NOS1: variants seen among roughly 807,000 people sequenced by gnomAD.
NOS1 encodes NOS type I.
In NOS1, 51 loss-of-function variants were observed where a neutral mutation model predicts 164.5. That is an observed-to-expected ratio of 0.31 (90% CI 0.25 to 0.39). The LOEUF is 0.39. NOS1 is among the 10% of genes least tolerant of loss of function. The pLI is 1.00. For missense variants in NOS1, 1,362 were observed against 1,885.6 expected (o/e 0.72, Z 5.14); for synonymous variants, 719 against 745.8 (o/e 0.96, Z 0.59).
At chr12:117,270,057 A>T (rs2135994905) in intron 10 of NOS1, among the ~76,000 whole-genome samples, 1 of 152,336 alleles carries the variant, frequency 6.6e-6, no homozygotes, top group East Asian at 1.9e-4. Flanking sequence ...TAAGCAGCTG[A>T]CGCCTGTGGC....
intron 1 of NOS1, among the ~76,000 whole-genome samples, chr12:117,333,154 C>T (rs1432123673): frequency 6.6e-6 from 1 of 152,144 alleles, no homozygotes; most frequent in Non-Finnish European, 1.5e-5. Context: ...AGCCGCCCGT[C>T]CCTACTTGTA....
At chr12:117,246,757 C>G (rs1870649299) in intron 18 of NOS1, among the ~76,000 whole-genome samples, 1 of 152,190 alleles carries the variant, frequency 6.6e-6, no homozygotes, top group Non-Finnish European at 1.5e-5. Context: ...GCTTCTTCCA[C>G]TTAGTGTAAA....
At chr12:117,321,105 G>T (rs1466517475) in intron 2 of NOS1, among the ~76,000 whole-genome samples, 1 of 152,192 alleles carries the variant, frequency 6.6e-6, no homozygotes, top group Non-Finnish European at 1.5e-5. Context: ...TGCCTCCCGA[G>T]TTCAAGCGAT....
intron 17 of NOS1, among the ~76,000 whole-genome samples, chr12:117,247,944 T>TA (rs534303027): frequency 0.035 from 4,130 of 118,078 alleles, 190 homozygotes; most frequent in African/African-American, 0.11. Context: ...AGACTCCGTC[T>TA]AAAAAAAAAA....
rs1012601858 is a variant in NOS1, at chr12:117,349,318, T to C, written c.-421+12194A>G. Reference sequence around the variant, plus strand: ...CACTTCATTTCTTTTAGTGGCTGAGTAATATTCCATTAGATAGATGGATAA... The same window carrying C: ...CACTTCATTTCTTTTAGTGGCTGAGCAATATTCCATTAGATAGATGGATAA... On this transcript the variant is annotated intron_variant, in intron 1 of 28. Coordinates refer to ENST00000317775, the MANE Select transcript of NOS1 (RefSeq NM_000620.5). 5.3e-5 allele frequency among the ~76,000 whole-genome samples: 8 copies of C among 152,376 alleles called. No homozygotes were observed. The East Asian group carries it at 1.5e-3, about 29-fold the overall frequency.
intron 3 of NOS1, among the ~76,000 whole-genome samples, chr12:117,311,067 T>C (rs9658304): frequency 0.24 from 37,064 of 152,122 alleles, 5,227 homozygotes; most frequent in Non-Finnish European, 0.31. Context: ...GGTTTCACCA[T>C]GTTGGTCAGG....
intron 2 of NOS1, among the ~76,000 whole-genome samples, chr12:117,312,582 ATTTTT>A (rs879930377): frequency 6.7e-6 from 1 of 149,042 alleles, no homozygotes; most frequent in South Asian, 2.1e-4. Flanking sequence ...TGTCTGCCTA[ATTTTT>A]TTTTTTTTTA....
intron 1 of NOS1, among the ~76,000 whole-genome samples, chr12:117,359,543 T>C (rs1002402827): frequency 6.6e-6 from 1 of 152,232 alleles, no homozygotes; most frequent in East Asian, 2.0e-4. Flanking sequence ...TCTCCCAATG[T>C]CGTGGGCCGC....
intron 17 of NOS1, among the ~76,000 whole-genome samples, chr12:117,252,851 G>T (rs1871199031): frequency 1.3e-5 from 2 of 152,214 alleles, no homozygotes; most frequent in South Asian, 4.1e-4. Context: ...GTTAGCGAAG[G>T]TCTGAGAGAT....
chr12:117,340,114 C>T (rs1045023817), intron 1 of NOS1, among the ~76,000 whole-genome samples: 2 of 152,152 alleles, frequency 1.3e-5, no homozygotes, highest in Admixed American at 6.5e-5. Context: ...AAGTTATCCT[C>T]AAGCTTTGGC....
At chr12:117,221,958 C>T (rs1168206302) in intron 26 of NOS1, among the ~76,000 whole-genome samples, 1 of 151,724 alleles carries the variant, frequency 6.6e-6, no homozygotes, top group Non-Finnish European at 1.5e-5. Context: ...CGGTGCCTGG[C>T]CCCACATTTT....
At chr12:117,293,003 T>A (rs1873160440) in intron 3 of NOS1, among the ~76,000 whole-genome samples, 1 of 151,970 alleles carries the variant, frequency 6.6e-6, no homozygotes, top group Non-Finnish European at 1.5e-5. Flanking sequence ...AGAAGATGAG[T>A]ACGTGCTAGC....
At chr12:117,220,349 A>G in intron 26 of NOS1, 80 bp from the exon 27 acceptor site, 1 of 1,393,196 alleles carries the variant, frequency 7.2e-7, no homozygotes, top group Non-Finnish European at 9.7e-7. Flanking sequence ...CAGGAAGCAG[A>G]GCCTGACTCA....
In NOS1 at chr12:117,209,744, C is replaced by G. The variant is rs1188036788; in HGVS notation, c.*5565G>C. On this transcript the variant is annotated 3_prime_UTR_variant, in exon 29 of 29. Coordinates refer to ENST00000317775, the MANE Select transcript of NOS1 (RefSeq NM_000620.5). ...CCACGGGTGAAAGTGTACCTGGGTC[C>G]TTACATTTGGGGAAGGGCAGCTTTT... 1 of 985,396 alleles carries G rather than the reference C, an allele frequency of 1.0e-6. No homozygotes were observed. The highest frequency in any genetic ancestry group is 1.2e-6 in the Non-Finnish European group (1 of 829,982). 61.0% of individuals were successfully genotyped at this position (985,396 alleles called of 1,614,324 possible). A position where few individuals can be genotyped will look rare whatever the true frequency, so the allele number is the denominator to read the frequency against.
chr12:117,361,024 G>A (rs914331004), intron 1 of NOS1, among the ~76,000 whole-genome samples: 1 of 152,160 alleles, frequency 6.6e-6, no homozygotes, highest in East Asian at 1.9e-4. Flanking sequence ...AAGTTGGGAC[G>A]CGCAGCAAAG....
At chr12:117,361,249 C>G (rs1178035053) in intron 1 of NOS1, among the ~76,000 whole-genome samples, 3 of 152,016 alleles carry the variant, frequency 2.0e-5, no homozygotes, top group East Asian at 2.0e-4. Context: ...CTGAATCCTC[C>G]GAGTCCGCCG....
intron 28 of NOS1, among the ~76,000 whole-genome samples, chr12:117,216,205 C>G (rs9658556): frequency 1.5e-5 from 2 of 132,960 alleles, no homozygotes; most frequent in Admixed American, 1.5e-4. Flanking sequence ...TTTTTTGAGA[C>G]GGAGTCTTGT....
At chr12:117,343,168 A>C (rs1281947481) in intron 1 of NOS1, among the ~76,000 whole-genome samples, 3 of 141,240 alleles carry the variant, frequency 2.1e-5, no homozygotes, top group Non-Finnish European at 4.6e-5. Context: ...CATCTCTACC[A>C]AAAAAAAAAA....
In NOS1 at chr12:117,208,473, G is replaced by A. The variant is rs1244882922; in HGVS notation, c.*6836C>T. 5.5e-6 allele frequency: 7 copies of A among 1,270,324 alleles called. No individual in the cohort carries two copies. The highest frequency in any genetic ancestry group is 2.5e-5 in the South Asian group (2 of 79,094). 78.7% of individuals were successfully genotyped at this position (1,270,324 alleles called of 1,614,324 possible). A position where few individuals can be genotyped will look rare whatever the true frequency, so the allele number is the denominator to read the frequency against. ...CTCCCCAGCTTCCCAAGCCCGGAAC[G>A]GACACTGCGACGTGGGGTGCCCGGC... is the stretch of plus-strand genomic sequence containing the variant. On this transcript the variant is annotated 3_prime_UTR_variant, in exon 29 of 29. Transcript: ENST00000317775.
Sources: gnomAD v4.1 joint callset for allele counts (sites outside exome capture counted in the v4.1 genomes callset) on GRCh38, gnomAD v4.1.1 for gene constraint, MANE v1.5 for transcripts, NCBI Gene and HGNC (gene_info 2026-07-23, HGNC 2026-07-21) for gene names.